HACE1: variants seen among roughly 807,000 people sequenced by gnomAD.
The protein encoded by HACE1 is E3 ubiquitin-protein ligase HACE1.
HACE1 carries 73 observed loss-of-function variants against 118.4 expected under a neutral mutation model. The ratio of observed to expected loss-of-function variants is 0.62; its 90% CI spans 0.51 to 0.75. The LOEUF (loss-of-function observed/expected upper bound fraction) is 0.75. Ranked by LOEUF, HACE1 falls within the 30% of genes least tolerant of loss-of-function variation. The pLI is 0.00. For missense variants in HACE1, 749 were observed against 1,102.2 expected (o/e 0.68, Z 4.54); for synonymous variants, 368 against 374.8 (o/e 0.98, Z 0.21).
At chr6:104,743,652 C>T (rs6937432) in intron 22 of HACE1, among the ~76,000 whole-genome samples, 34,853 of 151,710 alleles carry the variant, frequency 0.23, 4,157 homozygotes, top group African/African-American at 0.29. Flanking sequence ...TTAACTGGTT[C>T]CAAAAGTGAA....
At chr6:104,856,465 G>A (rs1776725904) in intron 1 of HACE1, among the ~76,000 whole-genome samples, 1 of 149,508 alleles carries the variant, frequency 6.7e-6, no homozygotes, top group Non-Finnish European at 1.5e-5. Context: ...ACTGAGTTTC[G>A]CTCTTGATGT....
At chr6:104,750,541 T>G in intron 19 of HACE1, 69 bp from the exon 20 acceptor site, 2 of 1,381,290 alleles carry the variant, frequency 1.4e-6, no homozygotes, top group Non-Finnish European at 2.0e-6. Flanking sequence ...AATATAATTA[T>G]TTCTTATTTA....
chr6:104,728,698 T>C lies in HACE1; in HGVS notation c.*964A>G, dbSNP rs933863159. ...CCTGTTCAAACATATGCTGTAACTA[T>C]TCAAGTACGTCTTTTCAAAATAAAA... On this transcript the variant is annotated 3_prime_UTR_variant, in exon 24 of 24. Coordinates refer to ENST00000262903, the MANE Select transcript of HACE1 (RefSeq NM_020771.4). The C allele has an allele frequency of 6.6e-6, 1 of 152,178 alleles. No homozygotes were observed. Among genetic ancestry groups the C allele is most frequent in the African/African-American group, 2.4e-5 (1 of 41,466 alleles). 9.4% of individuals were successfully genotyped at this position (152,178 alleles called of 1,614,324 possible). A position where few individuals can be genotyped will look rare whatever the true frequency, so the allele number is the denominator to read the frequency against.
chr6:104,795,568 G>T lies in HACE1; in HGVS notation c.923+11C>A. 4 of 1,504,308 alleles carry T rather than the reference G, an allele frequency of 2.7e-6. No individual in the cohort carries two copies. Among genetic ancestry groups the T allele is most frequent in the Non-Finnish European group, 3.7e-6 (4 of 1,079,978 alleles). The allele number at this position is 1,504,308 out of a possible 1,614,324, so 93.2% of individuals were successfully genotyped here. On this transcript the variant is annotated intron_variant, in intron 10 of 23. Coordinates refer to ENST00000262903, the MANE Select transcript of HACE1 (RefSeq NM_020771.4). ...CTACCTATTGATTTCCTCTTATTGC[G>T]AAACACTTACCTAAGCAGTTTATGA...
At chr6:104,732,808 T>C (rs1283426480) in intron 22 of HACE1, among the ~76,000 whole-genome samples, 1 of 152,208 alleles carries the variant, frequency 6.6e-6, no homozygotes, top group Non-Finnish European at 1.5e-5. Flanking sequence ...CAATCCAATA[T>C]GAAAGAATCC....
At chr6:104,737,568 G>A (rs1391975619) in intron 22 of HACE1, among the ~76,000 whole-genome samples, 3 of 152,196 alleles carry the variant, frequency 2.0e-5, no homozygotes, top group Non-Finnish European at 4.4e-5. Context: ...AGGGGTGACA[G>A]ACGGCACCTA....
In HACE1 at chr6:104,859,514, C is replaced by G. The variant is rs967856002; in HGVS notation, c.76+53G>C. 9.9e-6 allele frequency: 13 copies of G among 1,309,218 alleles called. 1 individual carries two copies. In the South Asian group the frequency reaches 1.5e-4, roughly 16 times the overall value. The allele number at this position is 1,309,218 out of a possible 1,614,324, so 81.1% of individuals were successfully genotyped here. A position where few individuals can be genotyped will look rare whatever the true frequency, so the allele number is the denominator to read the frequency against. On this transcript the variant is annotated intron_variant, in intron 1 of 23. Transcript: ENST00000262903. ...ACCTTGACGCGGCCGGAGCTCCTGC[C>G]CCACTGGCCGCCCCCAGCCCCGCGG...
intron 19 of HACE1, 81 bp from the exon 20 acceptor site, chr6:104,750,553 G>A: frequency 2.3e-6 from 3 of 1,284,472 alleles, no homozygotes; most frequent in Non-Finnish European, 3.3e-6. Context: ...TCTTATTTAA[G>A]AGGTAAAGGT....
intron 1 of HACE1, among the ~76,000 whole-genome samples, chr6:104,855,467 TA>T (rs1408336218): frequency 6.6e-6 from 1 of 151,742 alleles, no homozygotes; most frequent in East Asian, 1.9e-4. Context: ...AAAATAAAGA[TA>T]AAAAATAAAA....
chr6:104,786,580 G>A (rs1196124243), intron 11 of HACE1: 1 of 147,248 alleles, frequency 6.8e-6, no homozygotes, highest in East Asian at 2.0e-4. Flanking sequence ...CTCCAGCCTG[G>A]GTGAAAGAGT....
intron 6 of HACE1, among the ~76,000 whole-genome samples, chr6:104,822,534 CA>C (rs1448810470): frequency 6.6e-6 from 1 of 151,704 alleles, no homozygotes; most frequent in East Asian, 2.0e-4. Flanking sequence ...GCCGGTTCAA[CA>C]GAGTGAAACC....
At chr6:104,831,980 G>GAGGAAGGAAGGA (rs71276551) in intron 6 of HACE1, among the ~76,000 whole-genome samples, 57 of 62,900 alleles carry the variant, frequency 9.1e-4, no homozygotes, top group African/African-American at 2.3e-3. Context: ...GAAGAGAAGA[G>GAGGAAGGAAGGA]AGGAAGGAAG....
intron 14 of HACE1, among the ~76,000 whole-genome samples, chr6:104,783,606 G>A (rs1781989698): frequency 6.6e-6 from 1 of 152,218 alleles, no homozygotes; most frequent in African/African-American, 2.4e-5. Context: ...CATGTAACAT[G>A]AGATGTATGG....
intron 6 of HACE1, among the ~76,000 whole-genome samples, chr6:104,817,512 A>T (rs918374754): frequency 2.6e-5 from 4 of 152,186 alleles, no homozygotes; most frequent in African/African-American, 9.7e-5. Flanking sequence ...AGCCTGCAGA[A>T]CTGTGAGTCA....
At chr6:104,839,301 A>C (rs182104522) in intron 5 of HACE1, among the ~76,000 whole-genome samples, 1 of 152,330 alleles carries the variant, frequency 6.6e-6, no homozygotes, top group Admixed American at 6.5e-5. Flanking sequence ...ACAGTCCAAC[A>C]AATGGTGGTA....
rs985527275 is a variant in HACE1, at chr6:104,772,534, G to A, written c.1865-460C>T. ...TATTTGCTAGTTTTTGCTGCTTCAG[G>A]AGTAGAACACTATGAGAATAACTAA... On this transcript the variant is annotated intron_variant, in intron 17 of 23. Transcript: ENST00000262903. Among the ~76,000 whole-genome samples, 5 of 152,146 alleles carry A rather than the reference G, an allele frequency of 3.3e-5. No individual in the cohort carries two copies. In the South Asian group the frequency reaches 1.0e-3, roughly 32 times the overall value.
At chr6:104,782,184 T>A (rs560012565) in intron 14 of HACE1, among the ~76,000 whole-genome samples, 1 of 152,290 alleles carries the variant, frequency 6.6e-6, no homozygotes, top group Admixed American at 6.5e-5. Context: ...TATCATACAG[T>A]GTAGGTTAAG....
intron 17 of HACE1, among the ~76,000 whole-genome samples, chr6:104,772,935 G>A (rs138355319): frequency 2.6e-5 from 4 of 151,938 alleles, no homozygotes; most frequent in African/African-American, 7.2e-5. Context: ...GATAGTGGCC[G>A]ATGGTTGCAC....
Position 104,776,800 on chromosome 6 carries a change from T to C in HACE1, c.1805A>G (p.Asp602Gly), listed in dbSNP as rs1188547775. ...MGQGVVREWFDILSNEIVNPD... is the reference protein window; with the variant it reads ...MGQGVVREWFGILSNEIVNPD... Reference sequence around the variant, plus strand: ...ATTGACTATCTCATTGGACAGAATATCAAACCACTCACGCACAACACCTTG... The same window carrying C: ...ATTGACTATCTCATTGGACAGAATACCAAACCACTCACGCACAACACCTTG... Residue 602 changes from aspartate (D) to glycine (G), a missense_variant, in exon 17 of 24, where the codon GAT (aspartate) becomes GGT (glycine). Asp to Gly is a moderately conservative substitution (Grantham distance 94). Coordinates refer to ENST00000262903, the MANE Select transcript of HACE1 (RefSeq NM_020771.4). The C allele has an allele frequency of 2.5e-6, 4 of 1,608,986 alleles. No homozygotes were observed. In the South Asian group the frequency reaches 3.3e-5, roughly 13 times the overall value.
Sources: allele counts gnomAD v4.1 joint callset (sites outside exome capture counted in the v4.1 genomes callset), GRCh38; gene constraint gnomAD v4.1.1; transcripts MANE v1.5; gene names NCBI Gene and HGNC (gene_info 2026-07-23, HGNC 2026-07-21).